GEN1: variants seen among roughly 807,000 people sequenced by gnomAD.
GEN1 encodes GEN1 structure-specific endonuclease, also known as flap endonuclease GEN homolog 1.
Under a neutral mutation model 67.6 loss-of-function variants are expected in GEN1, and 64 were observed. The ratio of observed to expected loss-of-function variants is 0.95; its 90% CI spans 0.77 to 1.17. The LOEUF (loss-of-function observed/expected upper bound fraction) is 1.17. GEN1 is among the 50% of genes most tolerant of loss of function. The pLI, the probability that GEN1 is intolerant of heterozygous loss-of-function variation, is 0.00. For missense variants in GEN1, 1,058 were observed against 1,048.3 expected (o/e 1.01, Z -0.13); for synonymous variants, 371 against 359.4 (o/e 1.03, Z -0.37).
chr2:17,782,468 T>C lies in GEN1; in HGVS notation c.*529T>C, dbSNP rs1360946669. 2 of 152,238 alleles carry C rather than the reference T, an allele frequency of 1.3e-5. No individual in the cohort carries two copies. Among genetic ancestry groups the C allele is most frequent in the Non-Finnish European group, 2.9e-5 (2 of 68,054 alleles). The allele number at this position is 152,238 out of a possible 1,614,324, so 9.4% of individuals were successfully genotyped here. ...TTATAACTCTTTTTCCTAAGAGTTA[T>C]ATTCTCCCTCAGTTTGAAGATACCT... On this transcript the variant is annotated 3_prime_UTR_variant, in exon 14 of 14. Transcript: ENST00000381254.
chr2:17,760,235 C>G (rs1671610990), intron 2 of GEN1, 131 bp downstream of exon 2: 1 of 843,344 alleles, frequency 1.2e-6, no homozygotes, highest in African/African-American at 1.7e-5. Flanking sequence ...ATCTATTTAA[C>G]ATGTCTAGAT....
chr2:17,785,550 TAATC>T lies in GEN1; in HGVS notation c.*3616_*3619del, dbSNP rs963515719. On this transcript the variant is annotated 3_prime_UTR_variant, in exon 14 of 14. Transcript: ENST00000381254. ...TGGCCTAACTGCTTTGGGCTTTGTG[TAATC>T]AATCTTAAGTCCTTGGCGGTTTTTC... 16 of 151,242 alleles carry T rather than the reference TAATC, an allele frequency of 1.1e-4. No individual in the cohort carries two copies. The highest frequency in any genetic ancestry group is 9.3e-4 in the Admixed American group (14 of 15,058). 9.4% of individuals were successfully genotyped at this position (151,242 alleles called of 1,614,324 possible).
At chr2:17,777,134 T>C (rs1399310502) in intron 11 of GEN1, among the ~76,000 whole-genome samples, 1 of 151,778 alleles carries the variant, frequency 6.6e-6, no homozygotes, top group African/African-American at 2.4e-5. Flanking sequence ...AAAAAAAGGA[T>C]AATTTATTTT....
chr2:17,778,945 G>A (rs1478501678), intron 12 of GEN1, among the ~76,000 whole-genome samples: 4 of 151,448 alleles, frequency 2.6e-5, no homozygotes, highest in South Asian at 2.1e-4. Context: ...TTTTTGAGAC[G>A]GAGTCTTGCT....
At position 17,781,485 on chromosome 2, in the gene GEN1, T is replaced by A. The variant is rs1275972621; in HGVS notation, c.2273T>A (p.Val758Asp). 1 of 1,613,488 alleles carries A rather than the reference T, an allele frequency of 6.2e-7. No homozygotes were observed. The highest frequency in any genetic ancestry group is 1.3e-5 in the African/African-American group (1 of 74,924). ...YKVNTSVPYS[V>D]SNTVVKTCNV... ...GTCAATACTTCTGTCCCTTATTCTG[T>A]CAGTAACACAGTGGTAAAGACCTGC... The change falls in exon 14 of 14, where the codon GTC (valine) becomes GAC (aspartate). Residue 758 changes from valine to aspartate, a missense_variant. Physicochemically the swap from Val to Asp is radical, Grantham distance 152. Coordinates refer to ENST00000381254, the MANE Select transcript of GEN1 (RefSeq NM_001130009.3).
intron 11 of GEN1, among the ~76,000 whole-genome samples, chr2:17,775,997 T>A (rs1672407561): frequency 6.6e-6 from 1 of 151,350 alleles, no homozygotes; most frequent in Admixed American, 6.6e-5. Context: ...GCACCTGTGA[T>A]CCCAGCTACT....
At position 17,764,079 on chromosome 2, in the gene GEN1, C is replaced by G. The variant is rs115010250; in HGVS notation, c.349-818C>G. 2.9e-3 allele frequency among the ~76,000 whole-genome samples: 435 copies of G among 152,274 alleles called. 3 individuals are homozygous for G. The highest frequency in any genetic ancestry group is 0.01 in the African/African-American group (427 of 41,564). On this transcript the variant is annotated intron_variant, in intron 3 of 13. Coordinates refer to ENST00000381254, the MANE Select transcript of GEN1 (RefSeq NM_001130009.3). ...GGCTATAAGGCCAGACTACAAGCTA[C>G]CCAGCGGGGTTAAATTCATAAACCA...
chr2:17,778,138 G>GCA, intron 12 of GEN1, 75 bp downstream of exon 12: 1 of 541,070 alleles, frequency 1.8e-6, no homozygotes, highest in Non-Finnish European at 3.4e-6. Flanking sequence ...TTGTATATGT[G>GCA]TATATATATA....
chr2:17,753,973 T>A (rs1302523751), upstream of GEN1: 2 of 151,502 alleles, frequency 1.3e-5, no homozygotes, highest in Non-Finnish European at 2.9e-5. Flanking sequence ...GGGAGGTGAG[T>A]GATTTGCCTA....
rs61548207 is a variant in GEN1 at position 17,777,327 on chromosome 2, A to G, written c.1203-675A>G. Among the ~76,000 whole-genome samples the G allele has an allele frequency of 1.8e-3, 277 of 152,104 alleles. 9 individuals carry two copies. In the East Asian group the frequency reaches 0.044, roughly 24 times the overall value. On this transcript the variant is annotated intron_variant, in intron 11 of 13. Coordinates refer to ENST00000381254, the MANE Select transcript of GEN1 (RefSeq NM_001130009.3). ...TATAATATTTAATGATTAATACATGATGATGATGATGATAAGCCAAAACTC... is the reference window on the plus strand; with the variant it reads ...TATAATATTTAATGATTAATACATGGTGATGATGATGATAAGCCAAAACTC...
intron 11 of GEN1, among the ~76,000 whole-genome samples, chr2:17,775,760 GAAC>G (rs1672395831): frequency 6.6e-6 from 1 of 152,148 alleles, no homozygotes; most frequent in Non-Finnish European, 1.5e-5. Context: ...ACCAATAAAA[GAAC>G]AATAGACTGC....
intron 12 of GEN1, 123 bp downstream of exon 12, chr2:17,778,186 A>G (rs921477860): frequency 4.7e-5 from 17 of 359,398 alleles, no homozygotes; most frequent in Non-Finnish European, 7.5e-5. Context: ...ATATATATAT[A>G]TACACACACA....
intron 2 of GEN1, among the ~76,000 whole-genome samples, chr2:17,760,660 G>T (rs1293686550): frequency 6.6e-6 from 1 of 151,982 alleles, no homozygotes; most frequent in Non-Finnish European, 1.5e-5. Context: ...AGTGGCTCAC[G>T]CCTGTAATCC....
intron 1 of GEN1, 34 bp from the exon 2 acceptor site, chr2:17,759,895 A>G: frequency 6.4e-7 from 1 of 1,574,452 alleles, no homozygotes; most frequent in Non-Finnish European, 8.7e-7. Context: ...CTGTTTCTTT[A>G]ACAATATTTT....
At position 17,774,419 on chromosome 2, in the gene GEN1, A is replaced by T; in HGVS notation, c.1202+18A>T. The T allele has an allele frequency of 6.4e-7, 1 of 1,564,876 alleles. No homozygotes were observed. Among genetic ancestry groups the T allele is most frequent in the East Asian group, 2.3e-5 (1 of 43,850 alleles). On this transcript the variant is annotated intron_variant, in intron 11 of 13. Transcript: ENST00000381254. ...CCAATTCGGTAATGTAAAGAACTGTATGGTGAAGGTGGTGTTTTTACTTGA... is the reference window on the plus strand; with the variant it reads ...CCAATTCGGTAATGTAAAGAACTGTTTGGTGAAGGTGGTGTTTTTACTTGA...
intron 10 of GEN1, 90 bp from the exon 11 acceptor site, chr2:17,774,181 T>C (rs996031643): frequency 3.3e-5 from 20 of 612,262 alleles, no homozygotes; most frequent in Non-Finnish European, 4.5e-5. Context: ...CTTACGTTAA[T>C]TCTAAAGGAA....
At chr2:17,762,822 G>A (rs1048212648) in intron 3 of GEN1, among the ~76,000 whole-genome samples, 23 of 152,308 alleles carry the variant, frequency 1.5e-4, no homozygotes, top group Admixed American at 5.2e-4. Context: ...ATGGGTCAAA[G>A]TTTTGGAATG....
At chr2:17,759,828 C>G in intron 1 of GEN1, 101 bp from the exon 2 acceptor site, 1 of 976,764 alleles carries the variant, frequency 1.0e-6, no homozygotes, top group Non-Finnish European at 1.5e-6. Context: ...GGAATATCCT[C>G]TATGAATTAT....
Position 17,788,833 on chromosome 2 carries a change from C to CA in GEN1, c.*6896dup, listed in dbSNP as rs1264649731. 1 of 152,228 alleles carries CA rather than the reference C, an allele frequency of 6.6e-6. No homozygotes were observed. Among genetic ancestry groups the CA allele is most frequent in the Non-Finnish European group, 1.5e-5 (1 of 68,050 alleles). The allele number at this position is 152,228 out of a possible 1,614,324, so 9.4% of individuals were successfully genotyped here. ...GAAACACCCAGGTGAGGGGAGACTA[C>CA]AAGTCCCTTTGCCTTTTAGTTTTCA... On this transcript the variant is annotated 3_prime_UTR_variant, in exon 14 of 14. Coordinates refer to ENST00000381254, the MANE Select transcript of GEN1 (RefSeq NM_001130009.3).
Sources: gnomAD v4.1 joint callset for allele counts (sites outside exome capture counted in the v4.1 genomes callset) on GRCh38, gnomAD v4.1.1 for gene constraint, MANE v1.5 for transcripts, NCBI Gene and HGNC (gene_info 2026-07-23, HGNC 2026-07-21) for gene names.